The following ADAMTS17 variants were observed in gnomAD, a reference collection of about 807,000 sequenced individuals.
The protein encoded by ADAMTS17 is ADAM metallopeptidase with thrombospondin type 1 motif 17, also known as A disintegrin and metalloproteinase with thrombospondin motifs 17.
A neutral mutation model predicts 141.5 loss-of-function variants in ADAMTS17; 113 were observed. That is an observed-to-expected ratio of 0.80 (90% CI 0.69 to 0.93). The LOEUF (loss-of-function observed/expected upper bound fraction) is 0.93. Ranked by LOEUF, ADAMTS17 falls within the 40% of genes least tolerant of loss-of-function variation. The pLI is 0.00. For synonymous variants in ADAMTS17, 768 were observed against 630.6 expected, an observed-to-expected ratio of 1.22 and a Z score of -3.27; for missense variants, 1,659 against 1,517.9, an observed-to-expected ratio of 1.09 and a Z score of -1.54.
intron 7 of ADAMTS17, among the ~76,000 whole-genome samples, chr15:100,220,665 T>C (rs1326222462): frequency 2.0e-5 from 3 of 152,130 alleles, no homozygotes; most frequent in Non-Finnish European, 4.4e-5. Flanking sequence ...AGATGTGAGA[T>C]CACAGCCCAC....
intron 18 of ADAMTS17, among the ~76,000 whole-genome samples, chr15:100,008,241 G>A (rs1045627863): frequency 5.3e-5 from 8 of 152,048 alleles, no homozygotes; most frequent in African/African-American, 1.7e-4. Context: ...CCTGGGAGTC[G>A]GAGGGGGTGT....
chr15:100,258,010 G>A (rs1294140290), intron 6 of ADAMTS17, among the ~76,000 whole-genome samples: 1 of 152,180 alleles, frequency 6.6e-6, no homozygotes, highest in Non-Finnish European at 1.5e-5. Flanking sequence ...CGCAGTATTT[G>A]TCCTTGAGGT....
At chr15:99,975,794 G>A (rs1000596080) in intron 21 of ADAMTS17, among the ~76,000 whole-genome samples, 1 of 152,234 alleles carries the variant, frequency 6.6e-6, no homozygotes, top group African/African-American at 2.4e-5. Flanking sequence ...ATTCTCCTGT[G>A]TTGGGCAAAG....
intron 3 of ADAMTS17, among the ~76,000 whole-genome samples, chr15:100,283,894 T>G (rs1039568379): frequency 6.6e-6 from 1 of 152,128 alleles, no homozygotes; most frequent in African/African-American, 2.4e-5. Context: ...TCACTTGCGG[T>G]CAGGAGTTTG....
intron 15 of ADAMTS17, among the ~76,000 whole-genome samples, chr15:100,075,019 T>C (rs2034269355): frequency 6.6e-6 from 1 of 151,776 alleles, no homozygotes; most frequent in Non-Finnish European, 1.5e-5. Context: ...CCCCTACCAA[T>C]AAATTCTAGT....
At chr15:100,104,836 A>G (rs1364036013) in intron 14 of ADAMTS17, among the ~76,000 whole-genome samples, 1 of 152,232 alleles carries the variant, frequency 6.6e-6, no homozygotes, top group Non-Finnish European at 1.5e-5. Context: ...CACAAATGCC[A>G]CAGGAATCCA....
At chr15:100,050,064 T>C (rs1388935843) in intron 17 of ADAMTS17, among the ~76,000 whole-genome samples, 1 of 152,184 alleles carries the variant, frequency 6.6e-6, no homozygotes, top group Non-Finnish European at 1.5e-5. Context: ...CAATTTGTCA[T>C]GTAGGGATGA....
At chr15:100,303,976 G>A (rs895429096) in intron 3 of ADAMTS17, among the ~76,000 whole-genome samples, 8 of 152,154 alleles carry the variant, frequency 5.3e-5, no homozygotes, top group East Asian at 1.9e-4. Context: ...CACCCGCTTC[G>A]GCCTCCCAAA....
At chr15:100,108,790 G>A (rs2036563163) in intron 14 of ADAMTS17, among the ~76,000 whole-genome samples, 199 bp downstream of exon 14, 1 of 152,126 alleles carries the variant, frequency 6.6e-6, no homozygotes, top group African/African-American at 2.4e-5. Flanking sequence ...CTCCTTGTTG[G>A]CCTAGCACTC....
chr15:100,244,522 G>A (rs1333760935), intron 7 of ADAMTS17, among the ~76,000 whole-genome samples: 1 of 151,844 alleles, frequency 6.6e-6, no homozygotes, highest in Non-Finnish European at 1.5e-5. Flanking sequence ...TCTTTCCTGT[G>A]CTGTTCTGGT....
intron 3 of ADAMTS17, among the ~76,000 whole-genome samples, chr15:100,295,988 A>T (rs1428419947): frequency 6.6e-6 from 1 of 152,170 alleles, no homozygotes; most frequent in East Asian, 1.9e-4. Context: ...ACCATTTAAC[A>T]AAAACCAGTC....
intron 3 of ADAMTS17, among the ~76,000 whole-genome samples, chr15:100,318,782 T>G (rs2045641902): frequency 6.6e-6 from 1 of 152,226 alleles, no homozygotes; most frequent in South Asian, 2.1e-4. Context: ...CAGCAGTTGT[T>G]GGGCTCAAAT....
chr15:100,040,067 G>C (rs2031108307), intron 18 of ADAMTS17, among the ~76,000 whole-genome samples: 2 of 152,092 alleles, frequency 1.3e-5, no homozygotes, highest in South Asian at 4.1e-4. Context: ...CAATGTATTT[G>C]TATATAAGTA....
chr15:100,286,490 G>A (rs2044452938), intron 3 of ADAMTS17, among the ~76,000 whole-genome samples: 1 of 152,198 alleles, frequency 6.6e-6, no homozygotes, highest in African/African-American at 2.4e-5. Flanking sequence ...ACTAACTGCA[G>A]GGGACCAGAA....
At chr15:100,138,304 A>G (rs569669293) in intron 10 of ADAMTS17, among the ~76,000 whole-genome samples, 7 of 152,362 alleles carry the variant, frequency 4.6e-5, no homozygotes, top group African/African-American at 1.7e-4. Flanking sequence ...AATGTGAGTG[A>G]TGGTCAGCAG....
chr15:100,265,007 A>C (rs994715290), intron 4 of ADAMTS17, among the ~76,000 whole-genome samples: 2 of 152,232 alleles, frequency 1.3e-5, no homozygotes, highest in African/African-American at 4.8e-5. Flanking sequence ...CGAATTAAAA[A>C]AATAAAGCTT....
intron 8 of ADAMTS17, among the ~76,000 whole-genome samples, chr15:100,176,356 G>A (rs1052038343): frequency 6.6e-6 from 1 of 152,164 alleles, no homozygotes; most frequent in Non-Finnish European, 1.5e-5. Context: ...CTACGTGTTG[G>A]AGTCGCCTAA....
intron 4 of ADAMTS17, among the ~76,000 whole-genome samples, chr15:100,265,479 T>C (rs1018561776): frequency 3.3e-5 from 5 of 152,266 alleles, no homozygotes; most frequent in African/African-American, 1.2e-4. Context: ...CCTGGCTGCG[T>C]TTGTCACATT....
At chr15:100,165,933 T>A (rs2039935371) in intron 8 of ADAMTS17, among the ~76,000 whole-genome samples, 1 of 152,190 alleles carries the variant, frequency 6.6e-6, no homozygotes, top group Admixed American at 6.5e-5. Flanking sequence ...TTTGAGAATT[T>A]TATTCTTCCC....
Sources: allele counts gnomAD v4.1 joint callset (sites outside exome capture counted in the v4.1 genomes callset), GRCh38; gene constraint gnomAD v4.1.1; transcripts MANE v1.5; gene names NCBI Gene and HGNC (gene_info 2026-07-23, HGNC 2026-07-21).